The following BUB1 variants were observed in gnomAD, a reference collection of about 807,000 sequenced individuals.
The protein encoded by BUB1 is mitotic checkpoint serine/threonine-protein kinase BUB1.
A neutral mutation model predicts 135.2 loss-of-function variants in BUB1; 84 were observed. The observed-to-expected ratio is 0.62, with a 90% confidence interval of 0.52 to 0.74. The LOEUF (loss-of-function observed/expected upper bound fraction) is 0.74. Ranked by LOEUF, BUB1 falls within the 30% of genes least tolerant of loss-of-function variation. The pLI, the probability that BUB1 is intolerant of heterozygous loss-of-function variation, is 0.00. For synonymous variants in BUB1, 403 were observed against 434.4 expected, an observed-to-expected ratio of 0.93 and a Z score of 0.90; for missense variants, 1,162 against 1,288.3, an observed-to-expected ratio of 0.90 and a Z score of 1.50.
intron 9 of BUB1, among the ~76,000 whole-genome samples, chr2:110,664,162 C>T (rs1690179196): frequency 6.6e-6 from 1 of 151,786 alleles, no homozygotes; most frequent in Admixed American, 6.6e-5. Flanking sequence ...TCCAGGATAG[C>T]CTAACAGAGA....
At chr2:110,659,401 T>A (rs1054365008) in intron 11 of BUB1, among the ~76,000 whole-genome samples, 5 of 152,086 alleles carry the variant, frequency 3.3e-5, no homozygotes, top group Non-Finnish European at 7.4e-5. Context: ...TGGGTGGAGA[T>A]TTTTTGTTCA....
intron 1 of BUB1, among the ~76,000 whole-genome samples, chr2:110,676,994 A>G (rs1394756769): frequency 6.6e-6 from 1 of 152,242 alleles, no homozygotes; most frequent in African/African-American, 2.4e-5. Context: ...TCCCTATTTC[A>G]GAACCTTTCT....
chr2:110,650,705 C>A lies in BUB1; in HGVS notation c.2044G>T (p.Ala682Ser). ...TCACAGGTAAGTACCCCACCTGCAGCAGGCTGGCTCAGACGAAGTAAGGAT... is the reference window on the plus strand; with the variant it reads ...TCACAGGTAAGTACCCCACCTGCAGAAGGCTGGCTCAGACGAAGTAAGGAT... ...SASLLRLSQP[A>S]AGGVLTCEAE... The change falls in exon 18 of 25, where the codon GCT becomes TCT. Residue 682 changes from alanine to serine, a missense_variant. By Grantham distance (99) the Ala-to-Ser change is moderately conservative (BLOSUM62 1). Transcript: ENST00000302759. The A allele has an allele frequency of 6.2e-7, 1 of 1,614,052 alleles. No homozygotes were observed. Among genetic ancestry groups the A allele is most frequent in the Non-Finnish European group, 8.5e-7 (1 of 1,179,978 alleles).
chr2:110,671,516 A>G (rs965134139), intron 4 of BUB1, among the ~76,000 whole-genome samples: 2 of 152,244 alleles, frequency 1.3e-5, no homozygotes, highest in Non-Finnish European at 2.9e-5. Context: ...AGTATATTAA[A>G]GGCTGGCAAG....
At chr2:110,668,997 G>A (rs1038964878) in intron 6 of BUB1, among the ~76,000 whole-genome samples, 12 of 152,220 alleles carry the variant, frequency 7.9e-5, no homozygotes, top group African/African-American at 2.9e-4. Flanking sequence ...CTGGAAGCAT[G>A]TCCCATTGCC....
At chr2:110,652,283 G>T (rs1330368688) in intron 17 of BUB1, among the ~76,000 whole-genome samples, 2 of 152,092 alleles carry the variant, frequency 1.3e-5, no homozygotes, top group Non-Finnish European at 2.9e-5. Context: ...TCAGCCTTCC[G>T]GTTCCAGCTC....
rs774492463 is a variant in BUB1 at position 110,675,607 on chromosome 2, AT to A, written c.27-1243del. Among the ~76,000 whole-genome samples, 600 of 144,780 alleles carry A rather than the reference AT, an allele frequency of 4.1e-3. 2 individuals are homozygous for A. The highest frequency in any genetic ancestry group is 6.6e-3 in the South Asian group (30 of 4,562). 95.0% of individuals were successfully genotyped at this position (144,780 alleles called of 152,430 possible). A position where few individuals can be genotyped will look rare whatever the true frequency, so the allele number is the denominator to read the frequency against. ...GGTTTTCTATCTGAGACACTATAAG[AT>A]TTTTTTTTTTTTTGAAAAAACGATG... On this transcript the variant is annotated intron_variant, in intron 1 of 24. Transcript: ENST00000302759.
Position 110,661,393 on chromosome 2 carries a change from T to C in BUB1, c.1217+189A>G, listed in dbSNP as rs915485904. The C allele has an allele frequency of 9.5e-6, 6 of 632,744 alleles. No homozygotes were observed. In the Admixed American group the frequency reaches 1.4e-4, roughly 15 times the overall value. 39.2% of individuals were successfully genotyped at this position (632,744 alleles called of 1,614,324 possible). On this transcript the variant is annotated intron_variant, in intron 10 of 24. Transcript: ENST00000302759. ...TAAAATAAATATTCTAAAAGAAGCA[T>C]GGAATAAGTAAGCCTAAAGGATTGG... is the stretch of plus-strand genomic sequence containing the variant.
chr2:110,669,349 G>A, intron 6 of BUB1, 104 bp downstream of exon 6: 1 of 812,396 alleles, frequency 1.2e-6, no homozygotes, highest in Non-Finnish European at 2.1e-6. Flanking sequence ...GCCATGAAGA[G>A]AAAGATCAAA....
At chr2:110,649,956 G>A (rs1160910857) in intron 18 of BUB1, among the ~76,000 whole-genome samples, 1 of 152,142 alleles carries the variant, frequency 6.6e-6, no homozygotes, top group Non-Finnish European at 1.5e-5. Context: ...CTCACTCAGC[G>A]CTAAGCACAT....
intron 8 of BUB1, among the ~76,000 whole-genome samples, chr2:110,667,057 T>C (rs748587618): frequency 5.3e-5 from 8 of 152,240 alleles, no homozygotes; most frequent in Non-Finnish European, 7.3e-5. Flanking sequence ...AGAATGGCTA[T>C]AGCCCAAATA....
chr2:110,645,967 C>G (rs1198722587), intron 19 of BUB1, among the ~76,000 whole-genome samples: 1 of 151,872 alleles, frequency 6.6e-6, no homozygotes, highest in Non-Finnish European at 1.5e-5. Context: ...TTACCGAAAA[C>G]TAATACAACT....
intron 13 of BUB1, 27 bp from the exon 14 acceptor site, chr2:110,657,672 A>G (rs1574325101): frequency 2.0e-6 from 3 of 1,491,296 alleles, no homozygotes; most frequent in East Asian, 4.6e-5. Context: ...AATAGCATCT[A>G]ATTATTGTAC....
chr2:110,665,674 G>C (rs1203252105), intron 9 of BUB1, among the ~76,000 whole-genome samples: 1 of 151,480 alleles, frequency 6.6e-6, no homozygotes, highest in Admixed American at 6.6e-5. Flanking sequence ...CACCTTTCAT[G>C]TGATATTTTA....
chr2:110,675,676 GA>G (rs1690558738), intron 1 of BUB1, among the ~76,000 whole-genome samples: 1 of 151,812 alleles, frequency 6.6e-6, no homozygotes, highest in Admixed American at 6.6e-5. Flanking sequence ...TTTAGAGATG[GA>G]ATCTTGCTCT....
intron 15 of BUB1, among the ~76,000 whole-genome samples, chr2:110,656,777 A>G (rs1420066593): frequency 6.6e-6 from 1 of 152,252 alleles, no homozygotes; most frequent in African/African-American, 2.4e-5. Flanking sequence ...AATTCAAAGA[A>G]TTTGTGGATA....
In BUB1 at chr2:110,669,664, T is replaced by G; in HGVS notation, c.467-111A>C. 4 of 653,266 alleles carry G rather than the reference T, an allele frequency of 6.1e-6. No homozygotes were observed. The East Asian group carries it at 1.1e-4, about 17-fold the overall frequency. 40.5% of individuals were successfully genotyped at this position (653,266 alleles called of 1,614,324 possible). On this transcript the variant is annotated intron_variant, in intron 5 of 24. Transcript: ENST00000302759. ...TCCAGTAGGAATCATAAGAAGTAAA[T>G]CAACTCATTCACACTGTCTCAGAAA...
chr2:110,660,535 A>G (rs1559170866), intron 10 of BUB1, among the ~76,000 whole-genome samples: 1 of 152,114 alleles, frequency 6.6e-6, no homozygotes, highest in Non-Finnish European at 1.5e-5. Context: ...TAGTAAATAA[A>G]CTGTTTTTTT....
At chr2:110,674,270 G>C (rs1228162723) in intron 2 of BUB1, 36 bp downstream of exon 2, 1 of 1,613,162 alleles carries the variant, frequency 6.2e-7, no homozygotes, top group Non-Finnish European at 8.5e-7. Flanking sequence ...GCAGTGTATA[G>C]TTTGTTTAAG....
Sources: allele counts gnomAD v4.1 joint callset (sites outside exome capture counted in the v4.1 genomes callset), GRCh38; gene constraint gnomAD v4.1.1; transcripts MANE v1.5; gene names NCBI Gene and HGNC (gene_info 2026-07-23, HGNC 2026-07-21).